Variants in UPP1 observed in about 807,000 individuals in gnomAD.
The protein encoded by UPP1 is uridine phosphorylase 1.
Under a neutral mutation model 29.6 loss-of-function variants are expected in UPP1, and 25 were observed. The observed-to-expected ratio is 0.85, with a 90% CI of 0.62 to 1.18. The LOEUF (loss-of-function observed/expected upper bound fraction) is 1.18. UPP1 is among the 50% of genes most tolerant of loss of function. The pLI is 0.00. For missense variants in UPP1, 368 were observed against 410.4 expected, an observed-to-expected ratio of 0.90 and a Z score of 0.89; for synonymous variants, 165 against 159.8, an observed-to-expected ratio of 1.03 and a Z score of -0.25.
In UPP1 at chr7:48,107,455, C is replaced by T. The variant is rs562573351; in HGVS notation, c.741C>T (p.Ile247=). ...EAAYAAGVRN[I]EMESSVFAAM... is the part of the protein sequence containing the mutation. ...CCTATGCAGCCGGCGTCCGCAATATCGAGATGGAGTCCTCGGTGTTTGCCG... is the reference window on the plus strand; with the variant it reads ...CCTATGCAGCCGGCGTCCGCAATATTGAGATGGAGTCCTCGGTGTTTGCCG... The change falls in exon 8 of 9, where the codon ATC becomes ATT. Residue 247 remains isoleucine, a synonymous_variant. Coordinates refer to ENST00000395564, the MANE Select transcript of UPP1 (RefSeq NM_003364.4). 1.9e-5 allele frequency: 30 copies of T among 1,614,040 alleles called. No individual in the cohort carries two copies. The highest frequency in any genetic ancestry group is 1.3e-4 in the East Asian group (6 of 44,882).
At chr7:48,103,453 G>A (rs1363079723) in intron 6 of UPP1, 42 bp downstream of exon 6, 14 of 1,533,990 alleles carry the variant, frequency 9.1e-6, no homozygotes, top group Non-Finnish European at 1.1e-5. Context: ...GAATGGATGA[G>A]GGACTGGGGC....
chr7:48,099,644 C>A, intron 3 of UPP1, 26 bp from the exon 4 acceptor site: 1 of 1,511,726 alleles, frequency 6.6e-7, no homozygotes, highest in Non-Finnish European at 9.2e-7. Context: ...GTTCTATAAG[C>A]CTTCCACTTT....
chr7:48,105,485 C>T (rs576621482), intron 6 of UPP1: 9 of 152,270 alleles, frequency 5.9e-5, no homozygotes, highest in African/African-American at 2.2e-4. Flanking sequence ...TTGTTCCCTC[C>T]CACATGTTTA....
intron 3 of UPP1, among the ~76,000 whole-genome samples, chr7:48,096,192 C>T (rs1321461574): frequency 6.6e-6 from 1 of 152,168 alleles, no homozygotes; most frequent in African/African-American, 2.4e-5. Flanking sequence ...TCCCTCTCTT[C>T]AGTAATTATT....
Position 48,107,586 on chromosome 7 carries a change from C to T in UPP1, c.793+79C>T, listed in dbSNP as rs534543925. 66 of 1,477,982 alleles carry T rather than the reference C, an allele frequency of 4.5e-5. 1 individual carries two copies. Among genetic ancestry groups the T allele is most frequent in the Non-Finnish European group, 4.6e-5 (51 of 1,104,128 alleles). The allele number at this position is 1,477,982 out of a possible 1,614,324, so 91.6% of individuals were successfully genotyped here. ...CCTGGAGCCCCTCGCTGGGGCCCCT[C>T]CTCCTGGGGCACCCCGATACCCATT... On this transcript the variant is annotated intron_variant, in intron 8 of 8. Coordinates refer to ENST00000395564, the MANE Select transcript of UPP1 (RefSeq NM_003364.4).
rs148258036 is a variant in UPP1 at position 48,103,151 on chromosome 7, A to G, written c.322-146A>G. 2.6e-4 allele frequency: 158 copies of G among 609,556 alleles called. No individual in the cohort carries two copies. The African/African-American group carries it at 2.6e-3, about 10-fold the overall frequency. The allele number at this position is 609,556 out of a possible 1,614,324, so 37.8% of individuals were successfully genotyped here. A position where few individuals can be genotyped will look rare whatever the true frequency, so the allele number is the denominator to read the frequency against. On this transcript the variant is annotated intron_variant, in intron 5 of 8. Transcript: ENST00000395564. Reference sequence around the variant, plus strand: ...CTTTAAAGTTTCCCAAAGTGTTACTAGTTCTTAAATTTATATTTAAAAAGT... The same window carrying G: ...CTTTAAAGTTTCCCAAAGTGTTACTGGTTCTTAAATTTATATTTAAAAAGT...
intron 5 of UPP1, among the ~76,000 whole-genome samples, chr7:48,103,095 T>TG (rs1792521686): frequency 6.6e-6 from 1 of 152,178 alleles, no homozygotes; most frequent in Non-Finnish European, 1.5e-5. Context: ...GTCGATCAAA[T>TG]GGGGTTTTGT....
rs7458926 is a variant in UPP1 at position 48,095,922 on chromosome 7, C to T, written c.44+1095C>T. Among the ~76,000 whole-genome samples the T allele has an allele frequency of 7.8e-3, 1,193 of 152,306 alleles. 6 individuals are homozygous for T. Among genetic ancestry groups the T allele is most frequent in the Middle Eastern group, 0.044 (13 of 294 alleles). On this transcript the variant is annotated intron_variant, in intron 3 of 8. Transcript: ENST00000395564. ...TCAGTCTCCCAAAGTGCTGGGATTA[C>T]GGGCGTGAGCCACTGTGGCCTGCCT...
rs1010850627 is a variant in UPP1 at position 48,103,430 on chromosome 7, C to T, written c.436+19C>T. The T allele has an allele frequency of 6.3e-7, 1 of 1,599,282 alleles. No homozygotes were observed. Among genetic ancestry groups the T allele is most frequent in the Non-Finnish European group, 8.6e-7 (1 of 1,166,662 alleles). On this transcript the variant is annotated intron_variant, in intron 6 of 8. Transcript: ENST00000395564. The stretch of plus-strand genomic sequence containing the variant: ...GGGATAGGTAAGGTCTGCAGAGGGG[C>T]CTCTTGCCCTGTGAATGGATGAGGG...
upstream of UPP1, chr7:48,088,913 G>C (rs1791654889): frequency 1.3e-5 from 2 of 152,398 alleles, no homozygotes; most frequent in Admixed American, 1.3e-4. Flanking sequence ...CCCCAGGTTA[G>C]GACCACGTGG....
chr7:48,093,184 TGGAG>T (rs1791939367), intron 2 of UPP1, among the ~76,000 whole-genome samples: 1 of 152,168 alleles, frequency 6.6e-6, no homozygotes. Flanking sequence ...AGGCAGCAAT[TGGAG>T]GGAACATTTT....
At chr7:48,094,736 C>A (rs762114238) in intron 2 of UPP1, 27 bp from the exon 3 acceptor site, 2 of 1,611,564 alleles carry the variant, frequency 1.2e-6, no homozygotes, top group Non-Finnish European at 1.7e-6. Context: ...AGTGGATTCA[C>A]TCCATTCTGT....
At chr7:48,096,500 C>T (rs1792138124) in intron 3 of UPP1, among the ~76,000 whole-genome samples, 1 of 152,144 alleles carries the variant, frequency 6.6e-6, no homozygotes, top group Non-Finnish European at 1.5e-5. Flanking sequence ...GAGATGCAGC[C>T]AGCATTTTCT....
chr7:48,105,058 G>C (rs1025045955), intron 6 of UPP1: 1 of 152,360 alleles, frequency 6.6e-6, no homozygotes, highest in Admixed American at 6.5e-5. Flanking sequence ...AAAGCCTCAG[G>C]ATCTGGTTGT....
intron 2 of UPP1, among the ~76,000 whole-genome samples, chr7:48,093,580 C>CA (rs1243712315): frequency 6.6e-6 from 1 of 152,214 alleles, no homozygotes; most frequent in Non-Finnish European, 1.5e-5. Context: ...ACGTGAGTCT[C>CA]ACCCTCCTTC....
rs368798686 is a variant in UPP1, at chr7:48,107,448, G to A, written c.734G>A (p.Arg245His). The change falls in exon 8 of 9, where the codon CGC (arginine) becomes CAC (histidine). Residue 245 changes from arginine to histidine, a missense_variant. Physicochemically the swap from Arg to His is conservative, Grantham distance 29. Coordinates refer to ENST00000395564, the MANE Select transcript of UPP1 (RefSeq NM_003364.4). ...YLEAAYAAGV[R>H]NIEMESSVFA... ...GAGGCAGCCTATGCAGCCGGCGTCC[G>A]CAATATCGAGATGGAGTCCTCGGTG... is the stretch of plus-strand genomic sequence containing the variant. The A allele has an allele frequency of 7.4e-6, 12 of 1,614,176 alleles. No homozygotes were observed. The highest frequency in any genetic ancestry group is 1.0e-5 in the Non-Finnish European group (12 of 1,180,000).
At chr7:48,094,552 AG>A (rs1792023658) in intron 2 of UPP1, among the ~76,000 whole-genome samples, 1 of 152,134 alleles carries the variant, frequency 6.6e-6, no homozygotes, top group Non-Finnish European at 1.5e-5. Flanking sequence ...GCACATTTTC[AG>A]CACCTCCTCT....
chr7:48,104,247 A>G (rs914678561), intron 6 of UPP1, among the ~76,000 whole-genome samples: 2 of 152,086 alleles, frequency 1.3e-5, no homozygotes, highest in Admixed American at 6.5e-5. Context: ...AACAAACAAA[A>G]ACCCCCACAA....
At chr7:48,106,592 G>A (rs746154356) in intron 6 of UPP1, 4 of 376,046 alleles carry the variant, frequency 1.1e-5, no homozygotes, top group Admixed American at 3.7e-5. Flanking sequence ...GATTACAGGC[G>A]TGGGCCACTG....
Sources: allele counts gnomAD v4.1 joint callset (sites outside exome capture counted in the v4.1 genomes callset), GRCh38; gene constraint gnomAD v4.1.1; transcripts MANE v1.5; gene names NCBI Gene and HGNC (gene_info 2026-07-23, HGNC 2026-07-21).